ETFBKMT: variants seen among roughly 807,000 people sequenced by gnomAD.
ETFBKMT encodes the protein electron transfer flavoprotein beta subunit lysine methyltransferase.
Under a neutral mutation model 18.3 loss-of-function variants are expected in ETFBKMT, and 13 were observed. That is an observed-to-expected ratio of 0.71 (90% CI 0.46 to 1.13). The LOEUF is 1.13. Among genes scored for constraint, ETFBKMT ranks in the 50% most tolerant of loss-of-function variants. The probability of loss-of-function intolerance (pLI) is 0.00; values close to 1 mark genes in which losing one functional copy is unlikely to be tolerated. For synonymous variants in ETFBKMT, 84 were observed against 107.9 expected (o/e 0.78, Z 1.37); for missense variants, 293 against 306.2 (o/e 0.96, Z 0.32).
upstream of ETFBKMT, among the ~76,000 whole-genome samples, chr12:31,658,414 G>T (rs781557664): frequency 7.9e-5 from 12 of 152,176 alleles, no homozygotes; most frequent in Non-Finnish European, 1.3e-4. Flanking sequence ...CAAGAATGTA[G>T]CAAATACACC....
At position 31,659,710 on chromosome 12, in the gene ETFBKMT, T is replaced by G. The variant is rs894531010; in HGVS notation, c.-193T>G. On this transcript the variant is annotated 5_prime_UTR_variant, in exon 1 of 4. Transcript: ENST00000357721. ...ATTAGTCTAGTGGGATACCAGGCCC[T>G]GAGAGACCCCTACGATCCCAGGACA... 1 of 152,274 alleles carries G rather than the reference T, an allele frequency of 6.6e-6. No individual in the cohort carries two copies. The highest frequency in any genetic ancestry group is 2.4e-5 in the African/African-American group (1 of 41,446). The allele number at this position is 152,274 out of a possible 1,614,324, so 9.4% of individuals were successfully genotyped here. A position where few individuals can be genotyped will look rare whatever the true frequency, so the allele number is the denominator to read the frequency against.
rs1951303619 is a variant in ETFBKMT, at chr12:31,672,596, A to T, written c.*4606A>T. ...GCACCTATCATGGTATTACTTGTTT[A>T]AAAAAAAAAAACAGGCATTTGTTGT... On this transcript the variant is annotated 3_prime_UTR_variant, in exon 4 of 4. Coordinates refer to ENST00000357721, the MANE Select transcript of ETFBKMT (RefSeq NM_001135863.2). 5 of 232,858 alleles carry T rather than the reference A, an allele frequency of 2.1e-5. No individual in the cohort carries two copies. Among genetic ancestry groups the T allele is most frequent in the East Asian group, 8.2e-5 (1 of 12,148 alleles). 14.4% of individuals were successfully genotyped at this position (232,858 alleles called of 1,614,324 possible). A position where few individuals can be genotyped will look rare whatever the true frequency, so the allele number is the denominator to read the frequency against.
At chr12:31,648,783 G>C (rs867413351) in intron 1 of ETFBKMT, among the ~76,000 whole-genome samples, 10 of 151,900 alleles carry the variant, frequency 6.6e-5, no homozygotes, top group Admixed American at 2.0e-4. Context: ...GGATGGTCTC[G>C]ATCTCCTGAC....
In ETFBKMT at chr12:31,668,721, G is replaced by C. The variant is rs1435751661; in HGVS notation, c.*731G>C. 2.0e-5 allele frequency: 3 copies of C among 152,248 alleles called. No homozygotes were observed. In the East Asian group the frequency reaches 5.8e-4, roughly 29 times the overall value. The allele number at this position is 152,248 out of a possible 1,614,324, so 9.4% of individuals were successfully genotyped here. On this transcript the variant is annotated 3_prime_UTR_variant, in exon 4 of 4. Coordinates refer to ENST00000357721, the MANE Select transcript of ETFBKMT (RefSeq NM_001135863.2). Reference sequence around the variant, plus strand: ...TTGGCCAGGCCGGTCTCAAACTCCTGACCTCAGGTGATCCACCCGCCTTGG... The same window carrying C: ...TTGGCCAGGCCGGTCTCAAACTCCTCACCTCAGGTGATCCACCCGCCTTGG...
chr12:31,672,153 G>T lies in ETFBKMT; in HGVS notation c.*4163G>T. On this transcript the variant is annotated 3_prime_UTR_variant, in exon 4 of 4. Transcript: ENST00000357721. Reference sequence around the variant, plus strand: ...AAAGCACAAACCATGTATATACCAAGACTTAGCTAATTCTCTGAGAGTTAT... The same window carrying T: ...AAAGCACAAACCATGTATATACCAATACTTAGCTAATTCTCTGAGAGTTAT... 1.6e-6 allele frequency: 1 copy of T among 611,252 alleles called. No individual in the cohort carries two copies. 37.9% of individuals were successfully genotyped at this position (611,252 alleles called of 1,614,324 possible).
intron 1 of ETFBKMT, among the ~76,000 whole-genome samples, chr12:31,649,623 A>G (rs934804402): frequency 6.6e-6 from 1 of 152,092 alleles, no homozygotes; most frequent in East Asian, 1.9e-4. Flanking sequence ...TGGCCAAAAC[A>G]ACAATTACTT....
chr12:31,651,186 G>A (rs1461871991), intron 1 of ETFBKMT, among the ~76,000 whole-genome samples: 1 of 152,138 alleles, frequency 6.6e-6, no homozygotes, highest in Non-Finnish European at 1.5e-5. Flanking sequence ...TCCTGGAACT[G>A]GCGTTAATCA....
intron 1 of ETFBKMT, among the ~76,000 whole-genome samples, chr12:31,651,129 T>G (rs936125066): frequency 9.2e-5 from 14 of 152,232 alleles, no homozygotes; most frequent in South Asian, 2.1e-4. Context: ...AGTCAGTACG[T>G]GCTCTTACAC....
chr12:31,653,276 A>G (rs1951033082), intron 1 of ETFBKMT, among the ~76,000 whole-genome samples: 1 of 151,874 alleles, frequency 6.6e-6, no homozygotes, highest in Admixed American at 6.6e-5. Flanking sequence ...CTCTTTATAC[A>G]TAACTGTTTA....
chr12:31,650,194 T>C (rs1592130986), intron 1 of ETFBKMT, among the ~76,000 whole-genome samples: 1 of 132,872 alleles, frequency 7.5e-6, no homozygotes, highest in South Asian at 2.3e-4. Flanking sequence ...TGTAAAGACT[T>C]TGCTGATCAA....
chr12:31,663,162 G>A lies in ETFBKMT; in HGVS notation c.314+895G>A, dbSNP rs866263930. On this transcript the variant is annotated intron_variant, in intron 2 of 3. Coordinates refer to ENST00000357721, the MANE Select transcript of ETFBKMT (RefSeq NM_001135863.2). ...GGCTGGAGTGCAGTGGTGTGATCTC[G>A]GCTCACTGCAAGCCCCGCCTCCCGG... 1.5e-4 allele frequency among the ~76,000 whole-genome samples: 23 copies of A among 150,808 alleles called. 1 individual carries two copies. Among genetic ancestry groups the A allele is most frequent in the African/African-American group, 4.9e-4 (20 of 40,966 alleles).
chr12:31,650,003 T>G (rs1188665473), intron 1 of ETFBKMT, among the ~76,000 whole-genome samples: 2 of 4,052 alleles, frequency 4.9e-4, no homozygotes, highest in East Asian at 4.5e-3. Flanking sequence ...GTGATCCACC[T>G]GCCTCCCAAA....
At chr12:31,647,827 T>C (rs1950981314) in intron 1 of ETFBKMT, among the ~76,000 whole-genome samples, 1 of 151,636 alleles carries the variant, frequency 6.6e-6, no homozygotes, top group Admixed American at 6.6e-5. Context: ...AGACTCCATC[T>C]CAAAACAAAA....
chr12:31,664,939 C>CTTTTT (rs57572915), intron 2 of ETFBKMT, among the ~76,000 whole-genome samples: 2 of 121,494 alleles, frequency 1.6e-5, no homozygotes, highest in South Asian at 2.7e-4. Context: ...TTCTTTCTTT[C>CTTTTT]TTTTTTTTTT....
chr12:31,666,480 G>A (rs1203032341), intron 3 of ETFBKMT, among the ~76,000 whole-genome samples: 1 of 152,096 alleles, frequency 6.6e-6, no homozygotes, highest in Non-Finnish European at 1.5e-5. Flanking sequence ...CCTGAAATAT[G>A]TAAATAGTGT....
chr12:31,666,024 G>T, intron 2 of ETFBKMT, 63 bp from the exon 3 acceptor site: 1 of 1,468,438 alleles, frequency 6.8e-7, no homozygotes, highest in Non-Finnish European at 9.2e-7. Flanking sequence ...GATTTTGGGG[G>T]GCCTGTTCCC....
At chr12:31,648,611 G>A (rs1264320595) in intron 1 of ETFBKMT, among the ~76,000 whole-genome samples, 1 of 145,672 alleles carries the variant, frequency 6.9e-6, no homozygotes, top group Admixed American at 7.2e-5. Context: ...TCCCAGGCTG[G>A]AGTTCAGTGG....
At position 31,667,901 on chromosome 12, in the gene ETFBKMT, C is replaced by T. The variant is rs1162648351; in HGVS notation, c.700C>T (p.His234Tyr). ...FSGHSIQHHLHKVVEYSLLES... is the reference protein window; with the variant it reads ...FSGHSIQHHLYKVVEYSLLES... ...TGGACACAGCATTCAGCATCACCTG[C>T]ACAAAGTGGTAGAATATTCACTTTT... Residue 234 changes from histidine to tyrosine, a missense_variant, in exon 4 of 4, where the codon CAC (histidine) becomes TAC (tyrosine). Coordinates refer to ENST00000357721, the MANE Select transcript of ETFBKMT (RefSeq NM_001135863.2). 2 of 1,614,068 alleles carry T rather than the reference C, an allele frequency of 1.2e-6. No individual in the cohort carries two copies. Among genetic ancestry groups the T allele is most frequent in the Admixed American group, 3.3e-5 (2 of 60,008 alleles).
intron 3 of ETFBKMT, 92 bp downstream of exon 3, chr12:31,666,309 T>C (rs1592138246): frequency 3.0e-6 from 4 of 1,329,860 alleles, no homozygotes; most frequent in Non-Finnish European, 4.1e-6. Context: ...AGCTTATCGT[T>C]ATATGTATTT....
Sources: gnomAD v4.1 joint callset for allele counts (sites outside exome capture counted in the v4.1 genomes callset) on GRCh38, gnomAD v4.1.1 for gene constraint, MANE v1.5 for transcripts, NCBI Gene and HGNC (gene_info 2026-07-23, HGNC 2026-07-21) for gene names.